The following ASXL2 variants were observed in gnomAD, a reference collection of about 807,000 sequenced individuals.
ASXL2 encodes putative Polycomb group protein ASXL2.
Under a neutral mutation model 122.0 loss-of-function variants are expected in ASXL2, and 23 were observed. The observed-to-expected ratio is 0.19, with a 90% CI of 0.14 to 0.27. The LOEUF (loss-of-function observed/expected upper bound fraction) is 0.27. Ranked by LOEUF, ASXL2 falls within the 10% of genes least tolerant of loss-of-function variation. The pLI, the probability that ASXL2 is intolerant of heterozygous loss-of-function variation, is 1.00. For missense variants in ASXL2, 1,518 were observed against 1,713.8 expected (o/e 0.89, Z 2.02); for synonymous variants, 650 against 637.0 (o/e 1.02, Z -0.31).
chr2:25,840,046 A>G (rs1294581538), intron 2 of ASXL2, among the ~76,000 whole-genome samples: 1 of 152,066 alleles, frequency 6.6e-6, no homozygotes, highest in Non-Finnish European at 1.5e-5. Context: ...TATCTTTAAA[A>G]TTAGTGCATT....
intron 3 of ASXL2, among the ~76,000 whole-genome samples, chr2:25,832,923 C>CG (rs2089470739): frequency 6.6e-6 from 1 of 151,902 alleles, no homozygotes; most frequent in Admixed American, 6.6e-5. Context: ...ATGGGGGCTG[C>CG]GGGGGGAGCC....
Position 25,739,803 on chromosome 2 carries a change from AC to A in ASXL2, c.*2225del, listed in dbSNP as rs149693314. The stretch of plus-strand genomic sequence containing the variant: ...AGGAAAAAGGTAAAGCAGAAAAATC[AC>A]TTTCATCAATCCAAACTGGTAACTG... On this transcript the variant is annotated 3_prime_UTR_variant, in exon 13 of 13. Transcript: ENST00000435504. 4.1e-3 allele frequency: 904 copies of A among 222,858 alleles called. 1 individual carries two copies. The highest frequency in any genetic ancestry group is 6.7e-3 in the Non-Finnish European group (747 of 111,548). 13.8% of individuals were successfully genotyped at this position (222,858 alleles called of 1,614,324 possible). A position where few individuals can be genotyped will look rare whatever the true frequency, so the allele number is the denominator to read the frequency against.
At chr2:25,869,570 C>A (rs2089944050) in intron 1 of ASXL2, among the ~76,000 whole-genome samples, 2 of 152,000 alleles carry the variant, frequency 1.3e-5, no homozygotes, top group South Asian at 4.2e-4. Context: ...GCCTGTAATC[C>A]CAGAACTTTG....
At chr2:25,863,375 G>C (rs1410823160) in intron 1 of ASXL2, among the ~76,000 whole-genome samples, 1 of 148,978 alleles carries the variant, frequency 6.7e-6, no homozygotes, top group South Asian at 2.1e-4. Flanking sequence ...TAACTTATCC[G>C]GACATGAGTT....
intron 1 of ASXL2, among the ~76,000 whole-genome samples, chr2:25,849,859 A>C (rs1224695101): frequency 6.6e-6 from 1 of 152,190 alleles, no homozygotes; most frequent in Non-Finnish European, 1.5e-5. Context: ...TTTAATTTAG[A>C]AAAGTATTAT....
At chr2:25,787,933 G>C (rs541086539) in intron 5 of ASXL2, among the ~76,000 whole-genome samples, 1 of 152,146 alleles carries the variant, frequency 6.6e-6, no homozygotes, top group Non-Finnish European at 1.5e-5. Context: ...AAATATTAAA[G>C]AACAAAATGG....
chr2:25,744,387 G>A lies in ASXL2; in HGVS notation c.1950C>T (p.Asn650=), dbSNP rs749481646. The change falls in exon 13 of 13, where the codon AAC becomes AAT. Residue 650 remains asparagine, a synonymous_variant. Coordinates refer to ENST00000435504, the MANE Select transcript of ASXL2 (RefSeq NM_018263.6). The surrounding 1 kb of genome is among the most constrained non-coding windows in gnomAD (Gnocchi z 4.7). ...ARFPVSITSP[N]RTGARTLADI... Reference sequence around the variant, plus strand: ...CTGCAAGAGTTCTGGCTCCTGTTCTGTTAGGACTAGTGATGGAGACTGGAA... The same window carrying A: ...CTGCAAGAGTTCTGGCTCCTGTTCTATTAGGACTAGTGATGGAGACTGGAA... The A allele has an allele frequency of 6.2e-7, 1 of 1,613,964 alleles. No homozygotes were observed. Among genetic ancestry groups the A allele is most frequent in the Admixed American group, 1.7e-5 (1 of 60,022 alleles).
At chr2:25,757,296 G>C (rs1228736204) in intron 9 of ASXL2, among the ~76,000 whole-genome samples, 3 of 151,622 alleles carry the variant, frequency 2.0e-5, no homozygotes. Context: ...ATTACTGTGG[G>C]CTCCAACCAT....
intron 12 of ASXL2, among the ~76,000 whole-genome samples, chr2:25,748,662 G>C (rs1441363112): frequency 2.6e-5 from 4 of 152,120 alleles, no homozygotes; most frequent in Non-Finnish European, 5.9e-5. Flanking sequence ...ATCCTAATGA[G>C]TAATATTCAG....
Position 25,743,886 on chromosome 2 carries a change from A to G in ASXL2, c.2451T>C (p.Ser817=). The part of the protein sequence containing the change: ...NPTRATATVA[S]VSHPQGPSSC... ...TACTGGGCCCTTGTGGATGGCTGAC[A>G]GAGGCCACTGTGGCTGTTGCTCTGG... Residue 817 remains serine, a synonymous_variant, in exon 13 of 13, where the codon TCT becomes TCC. Coordinates refer to ENST00000435504, the MANE Select transcript of ASXL2 (RefSeq NM_018263.6). 1.2e-6 allele frequency: 2 copies of G among 1,614,030 alleles called. No individual in the cohort carries two copies. Among genetic ancestry groups the G allele is most frequent in the Non-Finnish European group, 1.7e-6 (2 of 1,179,906 alleles).
intron 2 of ASXL2, among the ~76,000 whole-genome samples, chr2:25,835,969 T>C (rs928398870): frequency 1.3e-5 from 2 of 152,202 alleles, no homozygotes; most frequent in Non-Finnish European, 2.9e-5. Flanking sequence ...ATGGAGCTCT[T>C]ATGGATCTGA....
chr2:25,843,301 C>CAAA (rs35388163), intron 2 of ASXL2, among the ~76,000 whole-genome samples: 2 of 93,034 alleles, frequency 2.1e-5, no homozygotes, highest in African/African-American at 4.2e-5. Context: ...GACTTCGTCT[C>CAAA]AAAAAAAAAA....
In ASXL2 at chr2:25,742,513, T is replaced by C; in HGVS notation, c.3824A>G (p.His1275Arg). ...ACGGATTGCCTTACCTCTCACTGCA[T>C]GAGCCATCTGCTTCTGTGCTGCCTG... Reference protein sequence around the residue: ...LIQAAQKQMAHAVRGKAIRSS... With the variant: ...LIQAAQKQMARAVRGKAIRSS... The change falls in exon 13 of 13, where the codon CAT becomes CGT. Residue 1275 changes from histidine (H) to arginine (R), a missense_variant. Around this residue, in one of 8 missense-constraint regions of ASXL2, gnomAD observed 831 missense variants for 833.1 expected, o/e 1.00. Coordinates refer to ENST00000435504, the MANE Select transcript of ASXL2 (RefSeq NM_018263.6). 3 of 1,613,954 alleles carry C rather than the reference T, an allele frequency of 1.9e-6. No homozygotes were observed. Among genetic ancestry groups the C allele is most frequent in the Non-Finnish European group, 2.5e-6 (3 of 1,179,840 alleles).
At chr2:25,824,486 C>T (rs1559521532) in intron 3 of ASXL2, among the ~76,000 whole-genome samples, 3 of 152,086 alleles carry the variant, frequency 2.0e-5, no homozygotes, top group South Asian at 2.1e-4. Flanking sequence ...CGTACACACA[C>T]ACACACACAC....
At chr2:25,813,432 T>C (rs931640107) in intron 3 of ASXL2, among the ~76,000 whole-genome samples, 6 of 152,196 alleles carry the variant, frequency 3.9e-5, no homozygotes, top group African/African-American at 1.4e-4. Flanking sequence ...ATGAAACATA[T>C]GAATACTCAC....
At chr2:25,750,569 C>G (rs1559500599) in intron 11 of ASXL2, among the ~76,000 whole-genome samples, 156 bp from the exon 12 acceptor site, 1 of 152,172 alleles carries the variant, frequency 6.6e-6, no homozygotes, top group Non-Finnish European at 1.5e-5. Flanking sequence ...AGTGAAAGTT[C>G]TGGAGTCAGA....
chr2:25,785,463 G>C (rs2149164114), intron 5 of ASXL2, among the ~76,000 whole-genome samples: 1 of 152,000 alleles, frequency 6.6e-6, no homozygotes, highest in Non-Finnish European at 1.5e-5. Flanking sequence ...GACCTCAAGT[G>C]ATTGGCCCAC....
chr2:25,848,931 G>A (rs912926444), intron 1 of ASXL2, among the ~76,000 whole-genome samples: 2 of 149,366 alleles, frequency 1.3e-5, no homozygotes, highest in Non-Finnish European at 3.0e-5. Context: ...CTGTAGTCCC[G>A]GCTACTACGG....
At chr2:25,852,914 G>C (rs144917546) in intron 1 of ASXL2, among the ~76,000 whole-genome samples, 141 of 152,308 alleles carry the variant, frequency 9.3e-4, no homozygotes, top group African/African-American at 3.3e-3. Flanking sequence ...AATCAGATGT[G>C]AGGGGATTTA....
Sources: gnomAD v4.1 joint callset for allele counts (sites outside exome capture counted in the v4.1 genomes callset) on GRCh38, gnomAD v4.1.1 for gene constraint, gnomAD v4.1.1 regional missense constraint, Gnocchi (gnomAD v3.1) non-coding constraint, MANE v1.5 for transcripts, NCBI Gene and HGNC (gene_info 2026-07-23, HGNC 2026-07-21) for gene names.